CAMK2D: variants seen among roughly 807,000 people sequenced by gnomAD.
CAMK2D encodes calcium/calmodulin dependent protein kinase II delta.
A neutral mutation model predicts 84.0 loss-of-function variants in CAMK2D; 37 were observed. The observed-to-expected ratio is 0.44, with a 90% CI of 0.34 to 0.58. CAMK2D has a LOEUF of 0.58. Ranked by LOEUF, CAMK2D falls within the 20% of genes least tolerant of loss-of-function variation. The pLI is 0.02. For missense variants in CAMK2D, 448 were observed against 652.5 expected (o/e 0.69, Z 3.41); for synonymous variants, 202 against 212.5 (o/e 0.95, Z 0.43).
chr4:113,594,997 CTA>C (rs2098917580), intron 4 of CAMK2D, among the ~76,000 whole-genome samples: 1 of 151,776 alleles, frequency 6.6e-6, no homozygotes, highest in African/African-American at 2.4e-5. Flanking sequence ...ATGATAAATA[CTA>C]AAAAACAATC....
In CAMK2D at chr4:113,552,093, A is replaced by G. The variant is rs2098633177; in HGVS notation, c.279T>C (p.Val93=). 1 of 1,555,618 alleles carries G rather than the reference A, an allele frequency of 6.4e-7. No homozygotes were observed. The highest frequency in any genetic ancestry group is 1.4e-5 in the African/African-American group (1 of 73,454). Residue 93 remains valine, a synonymous_variant, in exon 5 of 21, where the codon GTT becomes GTC. Coordinates refer to ENST00000511664, the MANE Select transcript of CAMK2D (RefSeq NM_001321571.2). The stretch of plus-strand genomic sequence containing the variant: ...TGTCTTCAAACAGTTCACCTCCAGT[A>G]ACTCTGGGAAGATAAAAAACATAAT... ...EGFHYLVFDL[V]TGGELFEDIV... is the part of the protein sequence containing the mutation.
intron 2 of CAMK2D, among the ~76,000 whole-genome samples, chr4:113,731,886 T>C (rs189366009): frequency 2.0e-5 from 3 of 152,144 alleles, no homozygotes; most frequent in Admixed American, 6.5e-5. Flanking sequence ...ACCCAGCCTA[T>C]TGCTCTTTTT....
At position 113,496,688 on chromosome 4, in the gene CAMK2D, A is replaced by T. The variant is rs533569356; in HGVS notation, c.1135+3775T>A. Reference sequence around the variant, plus strand: ...AGTCTTGGACTCCTGACCTCAAGGGATCTGCCTGCCTCAGCCTCCGAAAGT... The same window carrying T: ...AGTCTTGGACTCCTGACCTCAAGGGTTCTGCCTGCCTCAGCCTCCGAAAGT... On this transcript the variant is annotated intron_variant, in intron 16 of 20. Transcript: ENST00000511664. Among the ~76,000 whole-genome samples, 13 of 152,110 alleles carry T rather than the reference A, an allele frequency of 8.5e-5. No individual in the cohort carries two copies. The South Asian group carries it at 1.5e-3, about 17-fold the overall frequency.
intron 2 of CAMK2D, chr4:113,754,028 A>G: frequency 9.8e-6 from 9 of 919,996 alleles, no homozygotes; most frequent in Non-Finnish European, 1.2e-5. Context: ...AAATCATTTA[A>G]TATTTATTAA....
intron 2 of CAMK2D, among the ~76,000 whole-genome samples, chr4:113,739,319 A>T (rs548152284): frequency 5.3e-5 from 8 of 152,176 alleles, no homozygotes; most frequent in Non-Finnish European, 1.0e-4. Flanking sequence ...TCCTCTGCCC[A>T]CTATCAATCC....
intron 4 of CAMK2D, among the ~76,000 whole-genome samples, chr4:113,606,392 C>T (rs145769902): frequency 1.8e-3 from 278 of 152,094 alleles, no homozygotes; most frequent in African/African-American, 5.7e-3. Flanking sequence ...ATCGCTTGAA[C>T]CCAGGAGGCG....
intron 13 of CAMK2D, among the ~76,000 whole-genome samples, chr4:113,509,281 A>ATAAT (rs1161683739): frequency 2.0e-5 from 3 of 152,232 alleles, no homozygotes; most frequent in Admixed American, 6.5e-5. Flanking sequence ...CGTATGCAGC[A>ATAAT]TAATTATTTG....
At chr4:113,612,844 T>C (rs2099006141) in intron 3 of CAMK2D, among the ~76,000 whole-genome samples, 1 of 152,174 alleles carries the variant, frequency 6.6e-6, no homozygotes, top group Non-Finnish European at 1.5e-5. Context: ...AGGCTAAAAA[T>C]AGTTCCAAAG....
chr4:113,565,667 G>T (rs901048621), intron 4 of CAMK2D, among the ~76,000 whole-genome samples: 1 of 139,430 alleles, frequency 7.2e-6, no homozygotes, highest in Middle Eastern at 3.3e-3. Context: ...AAAAAAAAAA[G>T]AAGTCACACA....
chr4:113,690,939 G>A (rs2099385304), intron 2 of CAMK2D, among the ~76,000 whole-genome samples: 1 of 152,264 alleles, frequency 6.6e-6, no homozygotes, highest in Non-Finnish European at 1.5e-5. Context: ...ATGAGAGATT[G>A]TTTATGAATG....
At chr4:113,691,430 T>C (rs1480459644) in intron 2 of CAMK2D, among the ~76,000 whole-genome samples, 1 of 152,124 alleles carries the variant, frequency 6.6e-6, no homozygotes, top group African/African-American at 2.4e-5. Context: ...TGAGCTACAA[T>C]CATTCTACTG....
chr4:113,578,087 G>A (rs1350605568), intron 4 of CAMK2D, among the ~76,000 whole-genome samples: 3 of 152,092 alleles, frequency 2.0e-5, no homozygotes, highest in South Asian at 2.1e-4. Flanking sequence ...TCTAAAAGTC[G>A]TTTAAATTAG....
chr4:113,742,445 A>C (rs2099595145), intron 2 of CAMK2D, among the ~76,000 whole-genome samples: 1 of 152,186 alleles, frequency 6.6e-6, no homozygotes, highest in African/African-American at 2.4e-5. Context: ...AACATCAATA[A>C]TAATAGCAAT....
chr4:113,507,086 T>C (rs1352921593), intron 13 of CAMK2D, among the ~76,000 whole-genome samples: 2 of 152,254 alleles, frequency 1.3e-5, no homozygotes, highest in African/African-American at 2.4e-5. Flanking sequence ...TAAAGCTTTT[T>C]TGTTAATGTA....
At chr4:113,503,012 G>T (rs761232361) in intron 14 of CAMK2D, 35 bp from the exon 15 acceptor site, 4 of 1,466,274 alleles carry the variant, frequency 2.7e-6, no homozygotes, top group African/African-American at 1.4e-5. Context: ...GAAACAGTTC[G>T]CATTGGTAAG....
At chr4:113,671,235 T>C (rs1010082041) in intron 2 of CAMK2D, among the ~76,000 whole-genome samples, 2 of 152,176 alleles carry the variant, frequency 1.3e-5, no homozygotes, top group Non-Finnish European at 2.9e-5. Context: ...AGAATAACTT[T>C]GGATAACAAT....
chr4:113,615,834 G>A (rs1016129267), intron 3 of CAMK2D, among the ~76,000 whole-genome samples: 1 of 151,934 alleles, frequency 6.6e-6, no homozygotes, highest in South Asian at 2.1e-4. Context: ...TTTAACATTT[G>A]AGCATAAAAA....
chr4:113,679,195 T>C (rs1021347909), intron 2 of CAMK2D, among the ~76,000 whole-genome samples: 4 of 151,796 alleles, frequency 2.6e-5, no homozygotes, highest in Non-Finnish European at 5.9e-5. Context: ...GAAAAAAAAA[T>C]AAGGAAATAT....
At chr4:113,692,125 G>T (rs534718952) in intron 2 of CAMK2D, among the ~76,000 whole-genome samples, 192 of 152,218 alleles carry the variant, frequency 1.3e-3, no homozygotes, top group Non-Finnish European at 2.2e-3. Context: ...AGCACTCAAG[G>T]TTCTTTCATA....
Sources: allele counts gnomAD v4.1 joint callset (sites outside exome capture counted in the v4.1 genomes callset), GRCh38; gene constraint gnomAD v4.1.1; transcripts MANE v1.5; gene names NCBI Gene and HGNC (gene_info 2026-07-23, HGNC 2026-07-21).